The following PEX5L variants were observed in gnomAD, a reference collection of about 807,000 sequenced individuals.
PEX5L encodes PEX5-related protein.
A neutral mutation model predicts 84.0 loss-of-function variants in PEX5L; 30 were observed. The ratio of observed to expected loss-of-function variants is 0.36; its 90% CI spans 0.27 to 0.48. The LOEUF (loss-of-function observed/expected upper bound fraction) is 0.48, where lower values mean the gene tolerates loss of function less well. PEX5L is among the 20% of genes least tolerant of loss of function. PEX5L has a pLI of 0.99. For synonymous variants in PEX5L, 270 were observed against 283.1 expected (o/e 0.95, Z 0.46); for missense variants, 533 against 754.6 (o/e 0.71, Z 3.44).
At position 179,887,799 on chromosome 3, in the gene PEX5L, A is replaced by G; in HGVS notation, c.199-15T>C. The stretch of plus-strand genomic sequence containing the variant: ...TCATTCACCAGCTGAGAACAAATGA[A>G]CAGAGGTGTCAAAGGGCTTTGTTAA... On this transcript the variant is annotated splice_polypyrimidine_tract_variant and intron_variant, in intron 3 of 14. Transcript: ENST00000467460. 1 of 1,561,202 alleles carries G rather than the reference A, an allele frequency of 6.4e-7. No individual in the cohort carries two copies. The highest frequency in any genetic ancestry group is 2.2e-5 in the East Asian group (1 of 44,582).
intron 1 of PEX5L, among the ~76,000 whole-genome samples, chr3:179,998,413 C>T (rs1429266051): frequency 6.6e-6 from 1 of 152,156 alleles, no homozygotes; most frequent in East Asian, 1.9e-4. Flanking sequence ...GCCATGTGAC[C>T]CAGCAGATCC....
chr3:179,861,597 G>C (rs1049262911), intron 7 of PEX5L, among the ~76,000 whole-genome samples: 1 of 152,154 alleles, frequency 6.6e-6, no homozygotes, highest in Non-Finnish European at 1.5e-5. Context: ...CAGGCTCATG[G>C]GCCACCATGA....
At chr3:179,947,817 C>T (rs570923720) in intron 2 of PEX5L, among the ~76,000 whole-genome samples, 9 of 151,676 alleles carry the variant, frequency 5.9e-5, no homozygotes, top group Non-Finnish European at 1.0e-4. Flanking sequence ...TGCCATTCTC[C>T]TGCCTCAGCC....
intron 3 of PEX5L, among the ~76,000 whole-genome samples, chr3:179,893,806 A>C (rs1346745929): frequency 6.6e-6 from 1 of 152,200 alleles, no homozygotes; most frequent in African/African-American, 2.4e-5. Context: ...TTGATTTAGA[A>C]AATTTATAAT....
chr3:179,947,571 A>G (rs1162335280), intron 2 of PEX5L, among the ~76,000 whole-genome samples: 2 of 152,256 alleles, frequency 1.3e-5, no homozygotes, highest in South Asian at 2.1e-4. Flanking sequence ...ATTCTACTAT[A>G]GTACCTTAAC....
chr3:179,836,609 T>A (rs867588733), intron 8 of PEX5L, among the ~76,000 whole-genome samples: 3 of 152,234 alleles, frequency 2.0e-5, no homozygotes, highest in South Asian at 4.1e-4. Flanking sequence ...TAAAGTCAAC[T>A]TCTTCTGCAC....
chr3:179,829,251 C>T (rs1577341276), intron 8 of PEX5L, among the ~76,000 whole-genome samples: 1 of 152,276 alleles, frequency 6.6e-6, no homozygotes, highest in Non-Finnish European at 1.5e-5. Context: ...TGCTGCCATA[C>T]TATAGTTGTT....
intron 1 of PEX5L, among the ~76,000 whole-genome samples, chr3:180,006,211 T>A (rs765567981): frequency 6.6e-6 from 1 of 152,216 alleles, no homozygotes; most frequent in African/African-American, 2.4e-5. Context: ...GTCTATGACA[T>A]TGTTAATTAA....
At chr3:180,022,590 C>A (rs1439310124) in intron 1 of PEX5L, among the ~76,000 whole-genome samples, 3 of 152,076 alleles carry the variant, frequency 2.0e-5, no homozygotes, top group Admixed American at 2.0e-4. Flanking sequence ...TAGCAAAGTA[C>A]AAAATAAAAC....
At chr3:179,899,419 C>T (rs545470181) in intron 2 of PEX5L, among the ~76,000 whole-genome samples, 9 of 151,836 alleles carry the variant, frequency 5.9e-5, no homozygotes, top group Admixed American at 5.9e-4. Flanking sequence ...GGCAGAGAAA[C>T]GAAAACCGAC....
At chr3:179,844,830 AAAAAC>A (rs912405267) in intron 8 of PEX5L, among the ~76,000 whole-genome samples, 2 of 152,216 alleles carry the variant, frequency 1.3e-5, no homozygotes, top group African/African-American at 4.8e-5. Flanking sequence ...ACTCCATCTC[AAAAAC>A]AAAACAAAAC....
intron 1 of PEX5L, among the ~76,000 whole-genome samples, chr3:179,993,168 GT>G (rs1787547837): frequency 6.6e-6 from 1 of 152,082 alleles, no homozygotes; most frequent in African/African-American, 2.4e-5. Context: ...CTCTTCCAGA[GT>G]TTATATAATT....
intron 1 of PEX5L, among the ~76,000 whole-genome samples, chr3:179,984,445 T>A (rs1786615153): frequency 6.6e-6 from 1 of 152,166 alleles, no homozygotes; most frequent in African/African-American, 2.4e-5. Context: ...ATTGTATAAG[T>A]AAATAGTTAA....
intron 3 of PEX5L, among the ~76,000 whole-genome samples, chr3:179,896,574 T>C (rs1020769438): frequency 6.6e-6 from 1 of 152,128 alleles, no homozygotes; most frequent in African/African-American, 2.4e-5. Flanking sequence ...ATTTTGGACA[T>C]GTGAAAAGAT....
At chr3:180,028,552 T>C (rs1791170317) in intron 1 of PEX5L, among the ~76,000 whole-genome samples, 1 of 152,204 alleles carries the variant, frequency 6.6e-6, no homozygotes, top group African/African-American at 2.4e-5. Flanking sequence ...ATGTTGATTT[T>C]TGAATGTAAT....
intron 11 of PEX5L, 124 bp downstream of exon 11, chr3:179,811,677 C>T: frequency 1.3e-6 from 1 of 760,048 alleles, no homozygotes; most frequent in Non-Finnish European, 2.3e-6. Flanking sequence ...TGCGGTATCT[C>T]AGCACTTATC....
At chr3:179,940,672 A>G (rs1033793023) in intron 2 of PEX5L, among the ~76,000 whole-genome samples, 1 of 152,208 alleles carries the variant, frequency 6.6e-6, no homozygotes, top group African/African-American at 2.4e-5. Flanking sequence ...CCCATGCTCC[A>G]CTTTTGCTCT....
At chr3:179,823,928 T>G (rs1729413809) in intron 8 of PEX5L, among the ~76,000 whole-genome samples, 1 of 152,160 alleles carries the variant, frequency 6.6e-6, no homozygotes, top group South Asian at 2.1e-4. Context: ...TTCTAGTCTA[T>G]TTAATAATCT....
intron 1 of PEX5L, among the ~76,000 whole-genome samples, chr3:179,983,578 C>G (rs1395629145): frequency 1.3e-5 from 2 of 151,878 alleles, no homozygotes; most frequent in Non-Finnish European, 2.9e-5. Flanking sequence ...TGGCACCAAA[C>G]AATACTAGTT....
Sources: gnomAD v4.1 joint callset for allele counts (sites outside exome capture counted in the v4.1 genomes callset) on GRCh38, gnomAD v4.1.1 for gene constraint, MANE v1.5 for transcripts, NCBI Gene and HGNC (gene_info 2026-07-23, HGNC 2026-07-21) for gene names.